The following ZFPM2 variants were observed in gnomAD, a reference collection of about 807,000 sequenced individuals.
The protein encoded by ZFPM2 is zinc finger protein ZFPM2.
In ZFPM2, 20 loss-of-function variants were observed where a neutral mutation model predicts 98.6. The observed-to-expected ratio is 0.20, with a 90% CI of 0.14 to 0.29. The LOEUF is 0.29. ZFPM2 is among the 10% of genes least tolerant of loss of function. The pLI is 1.00. For missense variants in ZFPM2, 1,310 were observed against 1,388.6 expected (o/e 0.94, Z 0.90); for synonymous variants, 518 against 502.7 (o/e 1.03, Z -0.41).
chr8:105,553,008 G>T (rs1237500687), intron 3 of ZFPM2, among the ~76,000 whole-genome samples: 1 of 151,418 alleles, frequency 6.6e-6, no homozygotes, highest in Non-Finnish European at 1.5e-5. Flanking sequence ...ACAGGGTTTT[G>T]CCATGTTGCC....
intron 2 of ZFPM2, among the ~76,000 whole-genome samples, chr8:105,431,694 G>A (rs535269746): frequency 2.5e-4 from 38 of 152,182 alleles, no homozygotes; most frequent in African/African-American, 9.2e-4. Context: ...TGGGAGGATT[G>A]CTTGAGTCCA....
chr8:105,742,379 T>TAAA (rs79123129), intron 5 of ZFPM2, among the ~76,000 whole-genome samples: 2 of 109,796 alleles, frequency 1.8e-5, no homozygotes, highest in Non-Finnish European at 3.7e-5. Flanking sequence ...TCCTGTCTCT[T>TAAA]AAAAAAAAAA....
chr8:105,576,130 G>T (rs779212215), intron 4 of ZFPM2, among the ~76,000 whole-genome samples: 1 of 152,144 alleles, frequency 6.6e-6, no homozygotes, highest in African/African-American at 2.4e-5. Context: ...GACAGCTAAA[G>T]CTCCAGCAAA....
chr8:105,742,542 A>T, intron 5 of ZFPM2, among the ~76,000 whole-genome samples: 1 of 152,002 alleles, frequency 6.6e-6, no homozygotes, highest in East Asian at 2.0e-4. Flanking sequence ...GTGGTTGTAG[A>T]TAGGGTAGAA....
At chr8:105,633,394 G>A (rs142080004) in intron 4 of ZFPM2, among the ~76,000 whole-genome samples, 5 of 152,172 alleles carry the variant, frequency 3.3e-5, no homozygotes, top group East Asian at 1.9e-4. Flanking sequence ...GTGACTCATC[G>A]GGAAACACAG....
rs59943408 is a variant in ZFPM2, at chr8:105,764,287, GACACACACAC to G, written c.533-24401_533-24392del. Among the ~76,000 whole-genome samples, 431 of 139,564 alleles carry G rather than the reference GACACACACAC, an allele frequency of 3.1e-3. 3 individuals carry two copies. The highest frequency in any genetic ancestry group is 1.0e-2 in the African/African-American group (386 of 38,696). The allele number at this position is 139,564 out of a possible 152,430, so 91.6% of individuals were successfully genotyped here. A position where few individuals can be genotyped will look rare whatever the true frequency, so the allele number is the denominator to read the frequency against. Reference sequence around the variant, plus strand: ...TCTCTCTTTCTCTCTCTCTCTCTCTGACACACACACACACACACACACACACACACACACA... The same window carrying G: ...TCTCTCTTTCTCTCTCTCTCTCTCTGACACACACACACACACACACACACA... On this transcript the variant is annotated intron_variant, in intron 5 of 7. Coordinates refer to ENST00000407775, the MANE Select transcript of ZFPM2 (RefSeq NM_012082.4).
At chr8:105,588,500 GA>G in intron 4 of ZFPM2, among the ~76,000 whole-genome samples, 1 of 151,874 alleles carries the variant, frequency 6.6e-6, no homozygotes, top group Non-Finnish European at 1.5e-5. Context: ...CCTCCAGTTT[GA>G]AAACACTTCG....
chr8:105,712,059 G>C (rs982498692), intron 5 of ZFPM2, among the ~76,000 whole-genome samples: 2 of 151,954 alleles, frequency 1.3e-5, no homozygotes, highest in Non-Finnish European at 2.9e-5. Flanking sequence ...TCTGGTAACT[G>C]GGTTAATTTA....
At chr8:105,754,946 ATG>A (rs34267329) in intron 5 of ZFPM2, among the ~76,000 whole-genome samples, 22,695 of 146,202 alleles carry the variant, frequency 0.16, 1,718 homozygotes, top group East Asian at 0.25. Flanking sequence ...GAAATTTAAT[ATG>A]TGTGTGTGTG....
At chr8:105,529,279 C>T (rs1325797581) in intron 3 of ZFPM2, among the ~76,000 whole-genome samples, 1 of 152,018 alleles carries the variant, frequency 6.6e-6, no homozygotes, top group Non-Finnish European at 1.5e-5. Flanking sequence ...ACCTTAAATG[C>T]CCTACTTCTA....
intron 3 of ZFPM2, among the ~76,000 whole-genome samples, chr8:105,542,547 G>A (rs1814600522): frequency 6.6e-6 from 1 of 152,110 alleles, no homozygotes; most frequent in Admixed American, 6.6e-5. Context: ...CTATCAGTGA[G>A]TTCCCTATCC....
rs1323369200 is a variant in ZFPM2, at chr8:105,565,237, G to T, written c.420+3756G>T. Reference sequence around the variant, plus strand: ...CAGACCAGGCATTTAGATGTATATAGAACATTTTAAAAAACACAGAAACAC... The same window carrying T: ...CAGACCAGGCATTTAGATGTATATATAACATTTTAAAAAACACAGAAACAC... On this transcript the variant is annotated intron_variant, in intron 4 of 7. Coordinates refer to ENST00000407775, the MANE Select transcript of ZFPM2 (RefSeq NM_012082.4). Among the ~76,000 whole-genome samples, 3 of 152,042 alleles carry T rather than the reference G, an allele frequency of 2.0e-5. No homozygotes were observed. The East Asian group carries it at 5.8e-4, about 29-fold the overall frequency.
chr8:105,537,121 T>G (rs990073285), intron 3 of ZFPM2, among the ~76,000 whole-genome samples: 3 of 152,156 alleles, frequency 2.0e-5, no homozygotes, highest in Admixed American at 6.6e-5. Flanking sequence ...TACCAGAGTC[T>G]CATTTTTTAA....
chr8:105,621,533 G>A (rs765463780), intron 4 of ZFPM2, among the ~76,000 whole-genome samples: 7 of 152,106 alleles, frequency 4.6e-5, no homozygotes, highest in East Asian at 1.9e-4. Context: ...TCTCCTGCCT[G>A]ATTGCCCTGG....
At chr8:105,327,910 C>T (rs1291424754) in intron 1 of ZFPM2, among the ~76,000 whole-genome samples, 2 of 151,756 alleles carry the variant, frequency 1.3e-5, no homozygotes, top group African/African-American at 4.8e-5. Flanking sequence ...TGTCTCCTAA[C>T]AGTAAATGCC....
At chr8:105,649,180 G>T (rs1178769443) in intron 5 of ZFPM2, among the ~76,000 whole-genome samples, 2 of 152,132 alleles carry the variant, frequency 1.3e-5, no homozygotes, top group African/African-American at 4.8e-5. Context: ...CCCCCTCTTT[G>T]TCTGCTATTG....
At chr8:105,686,751 TA>T (rs1227989283) in intron 5 of ZFPM2, among the ~76,000 whole-genome samples, 1 of 152,204 alleles carries the variant, frequency 6.6e-6, no homozygotes, top group Non-Finnish European at 1.5e-5. Flanking sequence ...ATGAAAATTT[TA>T]AAAAATCATA....
chr8:105,800,766 GC>G (rs1165873509), intron 7 of ZFPM2, among the ~76,000 whole-genome samples: 1 of 152,028 alleles, frequency 6.6e-6, no homozygotes, highest in Non-Finnish European at 1.5e-5. Flanking sequence ...AATTCCTTTA[GC>G]CTCCTTCAGC....
chr8:105,795,653 T>C, intron 6 of ZFPM2: 1 of 307,068 alleles, frequency 3.3e-6, no homozygotes, highest in African/African-American at 2.2e-5. Context: ...TTAGAACACT[T>C]TATATGGAGA....
Sources: gnomAD v4.1 joint callset for allele counts (sites outside exome capture counted in the v4.1 genomes callset) on GRCh38, gnomAD v4.1.1 for gene constraint, MANE v1.5 for transcripts, NCBI Gene and HGNC (gene_info 2026-07-23, HGNC 2026-07-21) for gene names.